Variants in SVIL observed in about 807,000 individuals in gnomAD.
The protein encoded by SVIL is supervillin.
SVIL carries 101 observed loss-of-function variants against 240.4 expected under a neutral mutation model. The ratio of observed to expected loss-of-function variants is 0.42; its 90% CI spans 0.36 to 0.50. The LOEUF (loss-of-function observed/expected upper bound fraction) is 0.50. Among genes scored for constraint, SVIL ranks in the 20% least tolerant of loss-of-function variants. The probability of loss-of-function intolerance (pLI) is 0.01; values close to 1 mark genes in which losing one functional copy is unlikely to be tolerated. For missense variants in SVIL, 2,512 were observed against 2,818.7 expected, an observed-to-expected ratio of 0.89 and a Z score of 2.46; for synonymous variants, 999 against 1,100.0, an observed-to-expected ratio of 0.91 and a Z score of 1.82.
chr10:29,458,697 G>T, intron 36 of SVIL, 108 bp from the exon 37 acceptor site: 5 of 1,183,670 alleles, frequency 4.2e-6, no homozygotes, highest in Non-Finnish European at 4.7e-6. Context: ...ACTGCCTGAG[G>T]ATGCATAGTT....
At chr10:29,707,715 A>G (rs1962988795) in intron 1 of SVIL, among the ~76,000 whole-genome samples, 1 of 152,196 alleles carries the variant, frequency 6.6e-6, no homozygotes. Context: ...ATAATGTGGT[A>G]TGTTTACAAA....
chr10:29,683,294 A>G (rs754207), intron 2 of SVIL, among the ~76,000 whole-genome samples: 32,993 of 152,144 alleles, frequency 0.22, 3,802 homozygotes, highest in East Asian at 0.3. Context: ...AAGATAAGGG[A>G]TTGTGGAGAC....
chr10:29,598,535 G>T (rs960413186), intron 1 of SVIL, among the ~76,000 whole-genome samples: 1 of 152,206 alleles, frequency 6.6e-6, no homozygotes, highest in South Asian at 2.1e-4. Flanking sequence ...AAAATCCCTG[G>T]ATTGCTGCCT....
intron 2 of SVIL, among the ~76,000 whole-genome samples, chr10:29,674,948 C>A (rs186785476): frequency 7.9e-5 from 12 of 152,196 alleles, no homozygotes; most frequent in Non-Finnish European, 1.6e-4. Flanking sequence ...AGGACCTTTG[C>A]GATTACAAAA....
chr10:29,709,375 C>A (rs546081360), intron 1 of SVIL, among the ~76,000 whole-genome samples: 2 of 152,286 alleles, frequency 1.3e-5, no homozygotes, highest in Middle Eastern at 6.8e-3. Context: ...GGATGCTTAA[C>A]CTGTACAAGA....
At chr10:29,706,816 TA>T (rs1390683198) in intron 1 of SVIL, among the ~76,000 whole-genome samples, 1 of 152,246 alleles carries the variant, frequency 6.6e-6, no homozygotes, top group Non-Finnish European at 1.5e-5. Flanking sequence ...AATCTTTGTA[TA>T]AGGTGTAAGG....
chr10:29,493,093 C>G (rs570017355), intron 21 of SVIL, 121 bp downstream of exon 21: 16 of 1,215,762 alleles, frequency 1.3e-5, no homozygotes, highest in Admixed American at 2.7e-5. Context: ...ATACTAACGC[C>G]GCCGTGATGG....
chr10:29,606,417 C>A (rs1475818212), intron 1 of SVIL, among the ~76,000 whole-genome samples: 1 of 152,146 alleles, frequency 6.6e-6, no homozygotes, highest in Non-Finnish European at 1.5e-5. Flanking sequence ...GGCATATACC[C>A]CCACCTAAAT....
intron 13 of SVIL, among the ~76,000 whole-genome samples, chr10:29,525,140 C>T (rs966251629): frequency 5.9e-5 from 9 of 152,010 alleles, no homozygotes; most frequent in Non-Finnish European, 8.8e-5. Context: ...AATTAGGAAA[C>T]GATATAGTCC....
intron 3 of SVIL, among the ~76,000 whole-genome samples, chr10:29,645,395 C>G (rs1958621984): frequency 6.6e-6 from 1 of 152,020 alleles, no homozygotes; most frequent in Non-Finnish European, 1.5e-5. Context: ...CATGGTGAAA[C>G]CATGTCTCTA....
At chr10:29,588,804 CGT>C (rs1300347254) in intron 1 of SVIL, among the ~76,000 whole-genome samples, 2 of 152,156 alleles carry the variant, frequency 1.3e-5, no homozygotes, top group African/African-American at 4.8e-5. Flanking sequence ...GAGATAAATG[CGT>C]AACTGACTTC....
chr10:29,585,229 C>A (rs1416719921), intron 1 of SVIL, among the ~76,000 whole-genome samples: 1 of 152,072 alleles, frequency 6.6e-6, no homozygotes, highest in Admixed American at 6.6e-5. Flanking sequence ...TGCCACCACA[C>A]CTGGCTAATT....
At chr10:29,591,960 G>T (rs1956407560) in intron 1 of SVIL, among the ~76,000 whole-genome samples, 1 of 152,182 alleles carries the variant, frequency 6.6e-6, no homozygotes, top group Non-Finnish European at 1.5e-5. Context: ...ACATAAAGAG[G>T]TTTCTCTGGG....
intron 1 of SVIL, among the ~76,000 whole-genome samples, chr10:29,585,830 C>T (rs908752284): frequency 3.3e-5 from 5 of 152,222 alleles, no homozygotes; most frequent in Admixed American, 1.3e-4. Context: ...TCTGTCTTCC[C>T]GGCAGGTGTC....
chr10:29,488,530 G>A, intron 23 of SVIL, 71 bp downstream of exon 23: 1 of 1,437,340 alleles, frequency 7.0e-7, no homozygotes, highest in Non-Finnish European at 9.1e-7. Context: ...GAATTACAGA[G>A]TCAGGACTCC....
intron 22 of SVIL, 51 bp downstream of exon 22, chr10:29,490,796 G>C: frequency 6.2e-7 from 1 of 1,602,780 alleles, no homozygotes; most frequent in Non-Finnish European, 8.5e-7. Flanking sequence ...GTAGAGCATC[G>C]GAAGAAGCCA....
intron 1 of SVIL, among the ~76,000 whole-genome samples, chr10:29,698,963 T>TA (rs1212132082): frequency 6.6e-6 from 1 of 152,170 alleles, no homozygotes; most frequent in Non-Finnish European, 1.5e-5. Context: ...GCGGGCTGCA[T>TA]AAAGCACCCT....
At chr10:29,513,290 G>C (rs1949983624) in intron 16 of SVIL, among the ~76,000 whole-genome samples, 1 of 152,214 alleles carries the variant, frequency 6.6e-6, no homozygotes, top group African/African-American at 2.4e-5. Flanking sequence ...CATAAAGCTG[G>C]CCAGGCACGG....
At chr10:29,729,295 T>G (rs917388361) in intron 1 of SVIL, among the ~76,000 whole-genome samples, 5 of 152,100 alleles carry the variant, frequency 3.3e-5, no homozygotes, top group African/African-American at 1.2e-4. Flanking sequence ...CCCACCTATA[T>G]CTGACATCCA....
Sources: allele counts gnomAD v4.1 joint callset (sites outside exome capture counted in the v4.1 genomes callset), GRCh38; gene constraint gnomAD v4.1.1; transcripts MANE v1.5; gene names NCBI Gene and HGNC (gene_info 2026-07-23, HGNC 2026-07-21).